The following BCL2 variants were observed in gnomAD, a reference collection of about 807,000 sequenced individuals.
BCL2 encodes the protein BCL2 apoptosis regulator.
A neutral mutation model predicts 14.2 loss-of-function variants in BCL2; 1 was observed. The observed-to-expected ratio is 0.07, with a 90% confidence interval of 0.02 to 0.33. The LOEUF is 0.33. Among genes scored for constraint, BCL2 ranks in the 10% least tolerant of loss-of-function variants. The pLI, the probability that BCL2 is intolerant of heterozygous loss-of-function variation, is 0.99. For synonymous variants in BCL2, 151 were observed against 137.2 expected, an observed-to-expected ratio of 1.10 and a Z score of -0.70; for missense variants, 247 against 305.9, an observed-to-expected ratio of 0.81 and a Z score of 1.44.
rs1911840028 is a variant in BCL2 at position 63,266,657 on chromosome 18, A to AC, written c.585+51424_585+51425insG. On this transcript the variant is annotated intron_variant, in intron 2 of 2. Transcript: ENST00000333681. ...CTCTCTCACACACACACACACACACAAAAATATATATATTTATACTACATA... is the reference window on the plus strand; with the variant it reads ...CTCTCTCACACACACACACACACACACAAAATATATATATTTATACTACATA... Among the ~76,000 whole-genome samples, 27 of 150,496 alleles carry AC rather than the reference A, an allele frequency of 1.8e-4. No homozygotes were observed. In the South Asian group the frequency reaches 2.7e-3, roughly 15 times the overall value.
chr18:63,261,538 A>C (rs528831840), intron 2 of BCL2, among the ~76,000 whole-genome samples: 60 of 152,314 alleles, frequency 3.9e-4, no homozygotes, highest in Middle Eastern at 3.4e-3. Flanking sequence ...TTCCTCCCAT[A>C]AGACAACTCA....
chr18:63,297,385 CAT>C (rs1238315023), intron 2 of BCL2, among the ~76,000 whole-genome samples: 1 of 152,202 alleles, frequency 6.6e-6, no homozygotes, highest in Admixed American at 6.5e-5. Flanking sequence ...ATTCATACTA[CAT>C]CTTTGAAATC....
At position 63,146,900 on chromosome 18, in the gene BCL2, T is replaced by C. The variant is rs181631842; in HGVS notation, c.586-18141A>G. Among the ~76,000 whole-genome samples the C allele has an allele frequency of 1.1e-3, 161 of 152,332 alleles. 1 individual carries two copies. Among genetic ancestry groups the C allele is most frequent in the Middle Eastern group, 6.8e-3 (2 of 294 alleles). Reference sequence around the variant, plus strand: ...GGTACACCACCTGAAGAAAGTGATTTTATTAAGGGTAACTTTAAATGCGAA... The same window carrying C: ...GGTACACCACCTGAAGAAAGTGATTCTATTAAGGGTAACTTTAAATGCGAA... On this transcript the variant is annotated intron_variant, in intron 2 of 2. Transcript: ENST00000333681.
At position 63,128,459 on chromosome 18, in the gene BCL2, A is replaced by C. The variant is rs1417427563; in HGVS notation, c.*166T>G. The stretch of plus-strand genomic sequence containing the variant: ...TCGACGTTTTGCCTGAAGACTGTTA[A>C]TTGTTGTGTGTGTGTGTGTCTGTCT... On this transcript the variant is annotated 3_prime_UTR_variant, in exon 3 of 3. Coordinates refer to ENST00000333681, the MANE Select transcript of BCL2 (RefSeq NM_000633.3). 3 of 490,604 alleles carry C rather than the reference A, an allele frequency of 6.1e-6. No homozygotes were observed. Among genetic ancestry groups the C allele is most frequent in the Non-Finnish European group, 1.1e-5 (3 of 269,644 alleles). The allele number at this position is 490,604 out of a possible 1,614,324, so 30.4% of individuals were successfully genotyped here.
intron 2 of BCL2, among the ~76,000 whole-genome samples, chr18:63,242,641 C>T (rs757777965): frequency 6.6e-6 from 1 of 152,208 alleles, no homozygotes; most frequent in Non-Finnish European, 1.5e-5. Flanking sequence ...CTCATTAAAA[C>T]ATCCCCCCTC....
chr18:63,200,597 T>C (rs1313310986), intron 2 of BCL2, among the ~76,000 whole-genome samples: 1 of 152,148 alleles, frequency 6.6e-6, no homozygotes, highest in Admixed American at 6.5e-5. Flanking sequence ...CAGTGGGCCA[T>C]GGGATGGGAA....
intron 2 of BCL2, among the ~76,000 whole-genome samples, chr18:63,159,917 A>G (rs1194872300): frequency 6.6e-6 from 1 of 152,224 alleles, no homozygotes; most frequent in African/African-American, 2.4e-5. Flanking sequence ...CAGCGGGGTC[A>G]TTTACATCGT....
chr18:63,246,628 ACG>A (rs1161205651), intron 2 of BCL2, among the ~76,000 whole-genome samples: 1 of 152,162 alleles, frequency 6.6e-6, no homozygotes, highest in Non-Finnish European at 1.5e-5. Context: ...TGTGGGAGCT[ACG>A]ATCCAAGATG....
intron 2 of BCL2, among the ~76,000 whole-genome samples, chr18:63,224,546 C>T (rs558096057): frequency 7.2e-5 from 11 of 152,264 alleles, no homozygotes; most frequent in African/African-American, 2.2e-4. Context: ...TGGATTTTCC[C>T]GTACAAGACA....
chr18:63,142,081 C>T (rs946050830), intron 2 of BCL2, among the ~76,000 whole-genome samples: 9 of 152,168 alleles, frequency 5.9e-5, no homozygotes, highest in Admixed American at 2.0e-4. Flanking sequence ...ATTTATTAAA[C>T]GTGGAGGGCC....
chr18:63,221,419 A>G (rs564274116), intron 2 of BCL2, among the ~76,000 whole-genome samples: 10 of 152,238 alleles, frequency 6.6e-5, no homozygotes, highest in South Asian at 4.1e-4. Flanking sequence ...AGTTTGGGGG[A>G]AAAAAAGGGA....
At chr18:63,202,306 C>T (rs1171427080) in intron 2 of BCL2, among the ~76,000 whole-genome samples, 1 of 152,034 alleles carries the variant, frequency 6.6e-6, no homozygotes, top group Non-Finnish European at 1.5e-5. Flanking sequence ...AAGACTCAGT[C>T]TCAAAAAAAA....
intron 2 of BCL2, among the ~76,000 whole-genome samples, chr18:63,239,885 AC>A (rs958415564): frequency 3.6e-4 from 55 of 152,352 alleles, no homozygotes; most frequent in African/African-American, 1.3e-3. Flanking sequence ...ATGGGAACTT[AC>A]CAAAATCTCA....
chr18:63,180,143 C>T (rs8092584), intron 2 of BCL2, among the ~76,000 whole-genome samples: 12,037 of 152,288 alleles, frequency 0.079, 1,173 homozygotes, highest in African/African-American at 0.23. Context: ...CTCCCTTCTT[C>T]TCCCTTCCAA....
Position 63,126,696 on chromosome 18 carries a change from C to T in BCL2, c.*1929G>A, listed in dbSNP as rs184698169. ...GGGCTTATCTCACCTTCTCAGAATGCTTTTGAAGAATCAAGAGATAAAAAT... is the reference window on the plus strand; with the variant it reads ...GGGCTTATCTCACCTTCTCAGAATGTTTTTGAAGAATCAAGAGATAAAAAT... On this transcript the variant is annotated 3_prime_UTR_variant, in exon 3 of 3. Transcript: ENST00000333681. 6.2e-5 allele frequency: 14 copies of T among 225,972 alleles called. No individual in the cohort carries two copies. In the East Asian group the frequency reaches 8.9e-4, roughly 14 times the overall value. 14.0% of individuals were successfully genotyped at this position (225,972 alleles called of 1,614,324 possible). A position where few individuals can be genotyped will look rare whatever the true frequency, so the allele number is the denominator to read the frequency against.
intron 2 of BCL2, among the ~76,000 whole-genome samples, chr18:63,187,382 G>T (rs1294913350): frequency 6.6e-6 from 1 of 152,222 alleles, no homozygotes; most frequent in African/African-American, 2.4e-5. Context: ...CAGCTGTACA[G>T]ATGTACTGTG....
intron 2 of BCL2, among the ~76,000 whole-genome samples, chr18:63,132,038 G>A (rs1228561316): frequency 6.6e-6 from 1 of 152,218 alleles, no homozygotes; most frequent in Non-Finnish European, 1.5e-5. Flanking sequence ...GTAGAACAAT[G>A]TCATTTCTAG....
intron 2 of BCL2, among the ~76,000 whole-genome samples, chr18:63,134,240 T>C (rs1914149604): frequency 6.6e-6 from 1 of 152,232 alleles, no homozygotes; most frequent in Non-Finnish European, 1.5e-5. Context: ...TTACTATTTA[T>C]GAAATATATT....
intron 2 of BCL2, among the ~76,000 whole-genome samples, chr18:63,182,646 C>T (rs763453819): frequency 2.0e-5 from 3 of 152,204 alleles, no homozygotes; most frequent in Non-Finnish European, 4.4e-5. Flanking sequence ...GTGCAAACTC[C>T]ATTCTCCTGC....
Sources: allele counts gnomAD v4.1 joint callset (sites outside exome capture counted in the v4.1 genomes callset), GRCh38; gene constraint gnomAD v4.1.1; transcripts MANE v1.5; gene names NCBI Gene and HGNC (gene_info 2026-07-23, HGNC 2026-07-21).